Variants in MYLIP observed in about 807,000 individuals in gnomAD.
MYLIP encodes the protein myosin regulatory light chain interacting protein.
MYLIP carries 26 observed loss-of-function variants against 45.8 expected under a neutral mutation model. The ratio of observed to expected loss-of-function variants is 0.57; its 90% CI spans 0.42 to 0.79. MYLIP has a LOEUF of 0.79. Among genes scored for constraint, MYLIP ranks in the 30% least tolerant of loss-of-function variants. MYLIP has a pLI of 0.00. For synonymous variants in MYLIP, 213 were observed against 218.1 expected, an observed-to-expected ratio of 0.98 and a Z score of 0.21; for missense variants, 494 against 555.6, an observed-to-expected ratio of 0.89 and a Z score of 1.11.
In MYLIP at chr6:16,146,879, AAAGG is replaced by A. The variant is rs1759803395; in HGVS notation, c.*132_*135del. On this transcript the variant is annotated 3_prime_UTR_variant, in exon 7 of 7. Transcript: ENST00000356840. Reference sequence around the variant, plus strand: ...TGCCATGCGATGTTAAAAAAAAAAAAAAGGAAGAAAAATAACACAGCTACTCCTC... The same window carrying A: ...TGCCATGCGATGTTAAAAAAAAAAAAAAGAAAAATAACACAGCTACTCCTC... 3.7e-6 allele frequency: 3 copies of A among 817,318 alleles called. No individual in the cohort carries two copies. Among genetic ancestry groups the A allele is most frequent in the African/African-American group, 1.7e-5 (1 of 57,986 alleles). The allele number at this position is 817,318 out of a possible 1,614,324, so 50.6% of individuals were successfully genotyped here. A position where few individuals can be genotyped will look rare whatever the true frequency, so the allele number is the denominator to read the frequency against.
chr6:16,151,145 C>A (rs1321358516), downstream of MYLIP, among the ~76,000 whole-genome samples: 10 of 151,408 alleles, frequency 6.6e-5, no homozygotes, highest in African/African-American at 2.4e-4. Flanking sequence ...GTCGGGAGAT[C>A]AAGACCATCC....
intron 2 of MYLIP, among the ~76,000 whole-genome samples, chr6:16,131,129 T>TC (rs1759452269): frequency 6.6e-6 from 1 of 151,850 alleles, no homozygotes; most frequent in Non-Finnish European, 1.5e-5. Flanking sequence ...GCAGTGTTAC[T>TC]ATAGGTCATT....
At chr6:16,158,059 T>C in the MYLIP span, among the ~76,000 whole-genome samples, 6 of 152,224 alleles carry the variant, frequency 3.9e-5, no homozygotes, top group African/African-American at 1.4e-4. Context: ...AGGATCCTCT[T>C]TGACATGTGC....
At position 16,130,538 on chromosome 6, in the gene MYLIP, G is replaced by T. The variant is rs1443257058; in HGVS notation, c.88-19G>T. Reference sequence around the variant, plus strand: ...TACGTACCATTTGCTCATCCAGGCTGCATTCCTTTTTGTTTTAGGTGTGCA... The same window carrying T: ...TACGTACCATTTGCTCATCCAGGCTTCATTCCTTTTTGTTTTAGGTGTGCA... On this transcript the variant is annotated intron_variant, in intron 1 of 6. Transcript: ENST00000356840. 1.9e-6 allele frequency: 3 copies of T among 1,611,854 alleles called. No homozygotes were observed. Among genetic ancestry groups the T allele is most frequent in the Non-Finnish European group, 2.5e-6 (3 of 1,178,632 alleles).
chr6:16,145,072 G>A lies in MYLIP; in HGVS notation c.1003G>A (p.Val335Ile), dbSNP rs201087709. The change falls in exon 6 of 7, where the codon GTT becomes ATT. Residue 335 changes from valine to isoleucine, a missense_variant. Transcript: ENST00000356840. ...HARRALYNAG[V>I]VDLVSRNNQS... ...CAGGAGGGCTCTGTACAATGCTGGC[G>A]TTGTGGACCTCGTTTCAAGAAACAA... 103 of 1,614,192 alleles carry A rather than the reference G, an allele frequency of 6.4e-5. No homozygotes were observed. The highest frequency in any genetic ancestry group is 2.0e-4 in the African/African-American group (15 of 75,062).
chr6:16,140,780 C>T (rs1303082046), intron 2 of MYLIP, among the ~76,000 whole-genome samples: 5 of 152,294 alleles, frequency 3.3e-5, no homozygotes, highest in East Asian at 3.9e-4. Context: ...CTCAGCTCCA[C>T]GTTAACAACG....
At chr6:16,160,850 C>T in the MYLIP span, 1 of 152,304 alleles carries the variant, frequency 6.6e-6, no homozygotes, top group South Asian at 2.1e-4. Context: ...GGTCTGGAAG[C>T]TTCTGCTCAG....
chr6:16,160,849 G>A, the MYLIP span: 1 of 152,292 alleles, frequency 6.6e-6, no homozygotes, highest in Admixed American at 6.5e-5. Context: ...GGGTCTGGAA[G>A]CTTCTGCTCA....
the MYLIP span, among the ~76,000 whole-genome samples, chr6:16,155,814 G>T: frequency 2.6e-5 from 4 of 152,312 alleles, no homozygotes; most frequent in African/African-American, 9.6e-5. Context: ...TCCATGGACA[G>T]CTTAAGTATT....
rs762986029 is a variant in MYLIP, at chr6:16,143,133, G to A, written c.578G>A (p.Arg193Gln). The change falls in exon 4 of 7, where the codon CGG becomes CAG. Residue 193 changes from arginine (R) to glutamine (Q), a missense_variant. Arg to Gln is a conservative substitution (Grantham distance 43, BLOSUM62 1). Coordinates refer to ENST00000356840, the MANE Select transcript of MYLIP (RefSeq NM_013262.4). ...TATGGCATAGAATGGCATTCTGTGC[G>A]GGATAGCGAAGGGCAGAAACTGCTC... The part of the protein sequence containing the change: ...ENYGIEWHSV[R>Q]DSEGQKLLIG... 66 of 1,614,040 alleles carry A rather than the reference G, an allele frequency of 4.1e-5. No individual in the cohort carries two copies. Among genetic ancestry groups the A allele is most frequent in the Non-Finnish European group, 5.4e-5 (64 of 1,180,038 alleles).
At position 16,145,111 on chromosome 6, in the gene MYLIP, C is replaced by G. The variant is rs1449784336; in HGVS notation, c.1042C>G (p.His348Asp). 2 of 1,614,112 alleles carry G rather than the reference C, an allele frequency of 1.2e-6. No homozygotes were observed. The highest frequency in any genetic ancestry group is 1.7e-6 in the Non-Finnish European group (2 of 1,180,046). Residue 348 changes from histidine (H) to aspartate (D), a missense_variant, in exon 6 of 7, where the codon CAC becomes GAC. Coordinates refer to ENST00000356840, the MANE Select transcript of MYLIP (RefSeq NM_013262.4). The stretch of plus-strand genomic sequence containing the variant: ...TTCAAGAAACAACCAGAGCCCTTCA[C>G]ACTCGCCTCTGAAGTCCTCAGAAAG... Reference protein sequence around the residue: ...LVSRNNQSPSHSPLKSSESSM... With the variant: ...LVSRNNQSPSDSPLKSSESSM...
rs974939887 is a variant in MYLIP, at chr6:16,147,904, G to C, written c.*1153G>C. ...GGGCATTTTGGAAGCTGGTCAGCTA[G>C]CAGGTTTTCTGGGATGTCGGGAGAC... On this transcript the variant is annotated 3_prime_UTR_variant, in exon 7 of 7. Coordinates refer to ENST00000356840, the MANE Select transcript of MYLIP (RefSeq NM_013262.4). 1.3e-5 allele frequency: 2 copies of C among 152,612 alleles called. No homozygotes were observed. The highest frequency in any genetic ancestry group is 1.3e-4 in the Admixed American group (2 of 15,280). 9.5% of individuals were successfully genotyped at this position (152,612 alleles called of 1,614,324 possible).
intron 2 of MYLIP, among the ~76,000 whole-genome samples, chr6:16,132,500 T>G (rs1255845676): frequency 6.6e-6 from 1 of 152,216 alleles, no homozygotes; most frequent in Admixed American, 6.5e-5. Flanking sequence ...TGATTTTAAT[T>G]CTTTTTGAAA....
rs1277013839 is a variant in MYLIP at position 16,146,913 on chromosome 6, C to T, written c.*162C>T. On this transcript the variant is annotated 3_prime_UTR_variant, in exon 7 of 7. Coordinates refer to ENST00000356840, the MANE Select transcript of MYLIP (RefSeq NM_013262.4). The stretch of plus-strand genomic sequence containing the variant: ...AAAATAACACAGCTACTCCTCACTG[C>T]AAAAACATATCCATGCGTAGAATCA... 31 of 589,572 alleles carry T rather than the reference C, an allele frequency of 5.3e-5. No individual in the cohort carries two copies. The East Asian group carries it at 9.0e-4, about 17-fold the overall frequency. 36.5% of individuals were successfully genotyped at this position (589,572 alleles called of 1,614,324 possible). A position where few individuals can be genotyped will look rare whatever the true frequency, so the allele number is the denominator to read the frequency against.
the MYLIP span, among the ~76,000 whole-genome samples, chr6:16,153,631 A>G: frequency 6.6e-6 from 1 of 152,212 alleles, no homozygotes; most frequent in Non-Finnish European, 1.5e-5. Flanking sequence ...AATTACACAC[A>G]ACAAAAGTCC....
chr6:16,162,106 C>T, the MYLIP span, among the ~76,000 whole-genome samples: 126 of 152,372 alleles, frequency 8.3e-4, no homozygotes, highest in Non-Finnish European at 1.5e-3. Flanking sequence ...TAACTTGAGG[C>T]ATCACCTAGG....
chr6:16,148,443 CTTTT>C (rs755832345), downstream of MYLIP, among the ~76,000 whole-genome samples: 1 of 106,800 alleles, frequency 9.4e-6, no homozygotes, highest in Non-Finnish European at 2.0e-5. Flanking sequence ...AGAGTATAGT[CTTTT>C]TTTTTTTTTT....
chr6:16,142,598 G>A (rs953294937), intron 3 of MYLIP, among the ~76,000 whole-genome samples: 2 of 152,204 alleles, frequency 1.3e-5, no homozygotes, highest in African/African-American at 2.4e-5. Context: ...CTGAAGGCTC[G>A]ACTGAGGGTG....
At position 16,144,901 on chromosome 6, in the gene MYLIP, G is replaced by C. The variant is rs951885980; in HGVS notation, c.832G>C (p.Asp278His). The C allele has an allele frequency of 3.1e-6, 5 of 1,610,638 alleles. No homozygotes were observed. The highest frequency in any genetic ancestry group is 1.7e-4 in the Middle Eastern group (1 of 6,058). ...ATGTTCAATCTTGCCTTGCAGGTGT[G>C]ACACAGTGACCAGCGCCGTGATGAT... ...ITETHAFYRC[D>H]TVTSAVMMQY... Residue 278 changes from aspartate to histidine, a missense_variant, in exon 6 of 7, where the codon GAC becomes CAC. Asp to His is a moderately conservative substitution (Grantham distance 81, BLOSUM62 -1). Coordinates refer to ENST00000356840, the MANE Select transcript of MYLIP (RefSeq NM_013262.4).
Sources: allele counts gnomAD v4.1 joint callset (sites outside exome capture counted in the v4.1 genomes callset), GRCh38; gene constraint gnomAD v4.1.1; transcripts MANE v1.5; gene names NCBI Gene and HGNC (gene_info 2026-07-23, HGNC 2026-07-21).